The following AP1S3 variants were observed in gnomAD, a reference collection of about 807,000 sequenced individuals.
AP1S3 encodes the protein adaptor related protein complex 1 subunit sigma 3, also known as AP-1 complex subunit sigma-3.
Under a neutral mutation model 20.9 loss-of-function variants are expected in AP1S3, and 10 were observed. That is an observed-to-expected ratio of 0.48 (90% confidence interval 0.29 to 0.81). The LOEUF is 0.81. AP1S3 is among the 30% of genes least tolerant of loss of function. The probability of loss-of-function intolerance (pLI) is 0.08; values close to 1 mark genes in which losing one functional copy is unlikely to be tolerated. For synonymous variants in AP1S3, 41 were observed against 61.5 expected, an observed-to-expected ratio of 0.67 and a Z score of 1.56; for missense variants, 154 against 183.8, an observed-to-expected ratio of 0.84 and a Z score of 0.94.
chr2:223,819,975 C>T (rs1279766809), intron 1 of AP1S3, among the ~76,000 whole-genome samples: 5 of 134,550 alleles, frequency 3.7e-5, no homozygotes, highest in Non-Finnish European at 8.5e-5. Flanking sequence ...TTTCGTGTGG[C>T]CTTTAAAATA....
At chr2:223,789,285 T>A (rs1483355895) in intron 1 of AP1S3, among the ~76,000 whole-genome samples, 1 of 152,000 alleles carries the variant, frequency 6.6e-6, no homozygotes, top group African/African-American at 2.4e-5. Context: ...AGTTTCCTTT[T>A]TAAAAAAGAG....
intron 1 of AP1S3, among the ~76,000 whole-genome samples, chr2:223,800,214 A>AT (rs970315708): frequency 2.0e-5 from 1 of 49,284 alleles, no homozygotes; most frequent in Non-Finnish European, 4.5e-5. Context: ...GATTGCGTCT[A>AT]AAAAAAAAAA....
rs574919921 is a variant in AP1S3, at chr2:223,757,239, T to G, written c.*1476A>C. The G allele has an allele frequency of 1.9e-4, 30 of 158,548 alleles. No individual in the cohort carries two copies. Among genetic ancestry groups the G allele is most frequent in the African/African-American group, 6.5e-4 (27 of 41,704 alleles). 9.8% of individuals were successfully genotyped at this position (158,548 alleles called of 1,614,324 possible). A position where few individuals can be genotyped will look rare whatever the true frequency, so the allele number is the denominator to read the frequency against. On this transcript the variant is annotated 3_prime_UTR_variant, in exon 5 of 5. Coordinates refer to ENST00000396654, the MANE Select transcript of AP1S3 (RefSeq NM_001039569.2). ...CACAATCTCAGCTCACTGCAACTTC[T>G]GCCTCCCAGGTTCAAGCGATTCTCC...
chr2:223,786,579 C>A (rs781342657), intron 1 of AP1S3, among the ~76,000 whole-genome samples: 3 of 151,056 alleles, frequency 2.0e-5, no homozygotes, highest in African/African-American at 2.4e-5. Flanking sequence ...CATAGTGAGA[C>A]CGTGTGTCTC....
At chr2:223,779,444 G>A (rs1690870725) in intron 1 of AP1S3, among the ~76,000 whole-genome samples, 1 of 152,048 alleles carries the variant, frequency 6.6e-6, no homozygotes, top group Non-Finnish European at 1.5e-5. Flanking sequence ...TGAAGTTATG[G>A]TATATTTAAT....
chr2:223,787,974 T>TG (rs1256958806), intron 1 of AP1S3, among the ~76,000 whole-genome samples: 3 of 151,966 alleles, frequency 2.0e-5, no homozygotes, highest in East Asian at 3.9e-4. Flanking sequence ...TTCTTTTTTT[T>TG]GGGATGGGGT....
In AP1S3 at chr2:223,777,870, C is replaced by A; in HGVS notation, c.4-1G>T. On this transcript the variant is annotated splice_acceptor_variant, in intron 1 of 4. Coordinates refer to ENST00000396654, the MANE Select transcript of AP1S3 (RefSeq NM_001039569.2). LOFTEE classifies it high-confidence loss of function. ...GACTGAAGAGCAATATGAAATGTAT[C>A]TAGAACAAAGGACACAAAAAACAGA... The A allele has an allele frequency of 6.2e-7, 1 of 1,611,098 alleles. No individual in the cohort carries two copies. The highest frequency in any genetic ancestry group is 8.5e-7 in the Non-Finnish European group (1 of 1,178,720).
At chr2:223,769,833 C>T (rs1329805474) in intron 3 of AP1S3, among the ~76,000 whole-genome samples, 2 of 150,464 alleles carry the variant, frequency 1.3e-5, no homozygotes, top group Admixed American at 6.6e-5. Flanking sequence ...AGGCTCCGCC[C>T]CCCGGGGTTC....
intron 1 of AP1S3, among the ~76,000 whole-genome samples, chr2:223,803,751 G>C (rs747828348): frequency 1.3e-5 from 2 of 152,014 alleles, no homozygotes; most frequent in Non-Finnish European, 2.9e-5. Context: ...GTGGTGGCGG[G>C]AGCCTGTGGT....
intron 4 of AP1S3, among the ~76,000 whole-genome samples, chr2:223,760,290 G>A (rs141544422): frequency 6.6e-6 from 1 of 152,294 alleles, no homozygotes; most frequent in East Asian, 1.9e-4. Context: ...TTAAACTCCA[G>A]GGTATATGAT....
At position 223,775,952 on chromosome 2, in the gene AP1S3, C is replaced by T. The variant is rs200314987; in HGVS notation, c.240G>A (p.Thr80=). 2.4e-4 allele frequency: 392 copies of T among 1,614,136 alleles called. 1 individual carries two copies. The highest frequency in any genetic ancestry group is 3.0e-4 in the Non-Finnish European group (356 of 1,180,002). Residue 80 remains threonine (T), a synonymous_variant, in exon 3 of 5, where the codon ACG becomes ACA. Transcript: ENST00000396654. Reference sequence around the variant, plus strand: ...CCACGTAACGATGCACAATCTCTAGCGTCAAGAGCTCATTGTCCTGATTTT... The same window carrying T: ...CCACGTAACGATGCACAATCTCTAGTGTCAAGAGCTCATTGTCCTGATTTT... ...AIENQDNELL[T]LEIVHRYVEL...
intron 1 of AP1S3, among the ~76,000 whole-genome samples, chr2:223,778,328 G>T (rs1267425346): frequency 6.6e-6 from 1 of 151,960 alleles, no homozygotes; most frequent in African/African-American, 2.4e-5. Flanking sequence ...GATTCACCAT[G>T]TTGGCCAGGC....
intron 1 of AP1S3, among the ~76,000 whole-genome samples, chr2:223,781,632 T>G (rs1255089901): frequency 1.3e-5 from 2 of 152,088 alleles, no homozygotes; most frequent in Admixed American, 1.3e-4. Flanking sequence ...CACTACCTTC[T>G]GAGAATTCTA....
Position 223,758,755 on chromosome 2 carries a change from A to G in AP1S3, c.430-5T>C, listed in dbSNP as rs1243694667. 1.1e-5 allele frequency: 18 copies of G among 1,608,126 alleles called. No individual in the cohort carries two copies. Among genetic ancestry groups the G allele is most frequent in the Non-Finnish European group, 1.4e-5 (17 of 1,177,490 alleles). On this transcript the variant is annotated splice_region_variant and splice_polypyrimidine_tract_variant and intron_variant, in intron 4 of 4. Coordinates refer to ENST00000396654, the MANE Select transcript of AP1S3 (RefSeq NM_001039569.2). ...GTTCATGTATTCTTCCATTGTCTGA[A>G]AGCGAACAATAAATTAGAACAATTT...
chr2:223,798,226 A>AG (rs1691389680), intron 1 of AP1S3, among the ~76,000 whole-genome samples: 1 of 152,212 alleles, frequency 6.6e-6, no homozygotes, highest in African/African-American at 2.4e-5. Context: ...AATCTCAGGT[A>AG]GGCCTGTCAT....
intron 1 of AP1S3, among the ~76,000 whole-genome samples, chr2:223,824,668 G>C (rs1692078168): frequency 6.6e-6 from 1 of 152,072 alleles, no homozygotes; most frequent in South Asian, 2.1e-4. Flanking sequence ...CTCCGGAGTG[G>C]CTGGGATTAC....
intron 1 of AP1S3, among the ~76,000 whole-genome samples, chr2:223,786,185 T>G (rs574965256): frequency 2.4e-4 from 36 of 152,328 alleles, no homozygotes; most frequent in South Asian, 4.1e-4. Context: ...GCTACACAAC[T>G]AAGATGACAA....
chr2:223,836,543 C>A (rs1236356682), intron 1 of AP1S3, among the ~76,000 whole-genome samples: 1 of 152,176 alleles, frequency 6.6e-6, no homozygotes, highest in Non-Finnish European at 1.5e-5. Flanking sequence ...AGTTCGAGAC[C>A]AGCCTGGCCA....
chr2:223,771,711 C>G (rs1690631150), intron 3 of AP1S3, among the ~76,000 whole-genome samples: 1 of 152,208 alleles, frequency 6.6e-6, no homozygotes, highest in Admixed American at 6.5e-5. Context: ...AGCACATGTA[C>G]TTATTAAATG....
Sources: allele counts gnomAD v4.1 joint callset (sites outside exome capture counted in the v4.1 genomes callset), GRCh38; gene constraint gnomAD v4.1.1; transcripts MANE v1.5; gene names NCBI Gene and HGNC (gene_info 2026-07-23, HGNC 2026-07-21).